GAB2: variants seen among roughly 807,000 people sequenced by gnomAD.
The protein encoded by GAB2 is GRB2-associated-binding protein 2.
In GAB2, 26 loss-of-function variants were observed where a neutral mutation model predicts 65.5. The observed-to-expected ratio is 0.40, with a 90% CI of 0.29 to 0.55. The LOEUF (loss-of-function observed/expected upper bound fraction) is 0.55. GAB2 is among the 20% of genes least tolerant of loss of function. The pLI is 0.53. For missense variants in GAB2, 884 were observed against 875.8 expected (o/e 1.01, Z -0.12); for synonymous variants, 321 against 329.6 (o/e 0.97, Z 0.28).
chr11:78,267,960 T>C (rs1401801611), intron 2 of GAB2, among the ~76,000 whole-genome samples: 2 of 152,260 alleles, frequency 1.3e-5, no homozygotes, highest in East Asian at 1.9e-4. Flanking sequence ...CCTCATGTTT[T>C]CATATTTTTA....
chr11:78,287,182 CT>C (rs1275087372), intron 1 of GAB2, among the ~76,000 whole-genome samples: 2 of 152,192 alleles, frequency 1.3e-5, no homozygotes, highest in Non-Finnish European at 2.9e-5. Context: ...AACACTCATT[CT>C]TGATAAAAAC....
chr11:78,281,592 G>A (rs559121407), intron 1 of GAB2, among the ~76,000 whole-genome samples: 3 of 152,272 alleles, frequency 2.0e-5, no homozygotes, highest in African/African-American at 4.8e-5. Context: ...GGTTAAAGAC[G>A]GGGACTGTGG....
chr11:78,416,691 C>T (rs1455608943), intron 1 of GAB2, among the ~76,000 whole-genome samples: 3 of 151,994 alleles, frequency 2.0e-5, no homozygotes, highest in Non-Finnish European at 4.4e-5. Context: ...CCCGCGACTA[C>T]CCCAAGACCA....
At chr11:78,320,724 C>A (rs1430004052) in intron 1 of GAB2, among the ~76,000 whole-genome samples, 1 of 91,550 alleles carries the variant, frequency 1.1e-5, no homozygotes, top group Non-Finnish European at 2.0e-5. Context: ...ATAATTTTTG[C>A]CTTTTTTTTT....
intron 1 of GAB2, among the ~76,000 whole-genome samples, chr11:78,389,703 A>G (rs1357178250): frequency 2.6e-5 from 4 of 152,174 alleles, no homozygotes; most frequent in African/African-American, 4.8e-5. Flanking sequence ...ACACTTTTAA[A>G]TGGTGACTTT....
intron 4 of GAB2, 34 bp downstream of exon 4, chr11:78,226,431 C>T (rs1864652392): frequency 3.3e-6 from 5 of 1,520,268 alleles, no homozygotes; most frequent in Non-Finnish European, 4.6e-6. Context: ...TTACCTCCTC[C>T]TCCCTCTGAG....
chr11:78,361,198 A>G (rs1055990653), intron 1 of GAB2, among the ~76,000 whole-genome samples: 2 of 152,228 alleles, frequency 1.3e-5, no homozygotes, highest in Non-Finnish European at 2.9e-5. Context: ...ACCTCTAAGC[A>G]TAGATCAGGA....
At position 78,218,410 on chromosome 11, in the gene GAB2, C is replaced by T. The variant is rs1466493069; in HGVS notation, c.*862G>A. ...CTTTCAAGGTGGGGCTGGCGGGGGC[C>T]TCTGAGGGGACTGGGGAAGAGGACT... On this transcript the variant is annotated 3_prime_UTR_variant, in exon 10 of 10. Coordinates refer to ENST00000361507, the MANE Select transcript of GAB2 (RefSeq NM_080491.3). The T allele has an allele frequency of 2.0e-5, 3 of 152,676 alleles. No homozygotes were observed. The highest frequency in any genetic ancestry group is 2.9e-5 in the Non-Finnish European group (2 of 68,426). The allele number at this position is 152,676 out of a possible 1,614,324, so 9.5% of individuals were successfully genotyped here.
intron 1 of GAB2, among the ~76,000 whole-genome samples, chr11:78,301,869 G>C (rs1867029258): frequency 6.6e-6 from 1 of 152,030 alleles, no homozygotes; most frequent in South Asian, 2.1e-4. Flanking sequence ...ACACAATAGA[G>C]AACCCAAAAA....
At chr11:78,298,684 G>A (rs1866907987) in intron 1 of GAB2, among the ~76,000 whole-genome samples, 1 of 152,166 alleles carries the variant, frequency 6.6e-6, no homozygotes, top group African/African-American at 2.4e-5. Context: ...TCCCCTGAGG[G>A]ACCTTGCTTT....
intron 3 of GAB2, among the ~76,000 whole-genome samples, chr11:78,231,590 T>C (rs528281402): frequency 1.3e-5 from 2 of 152,166 alleles, no homozygotes; most frequent in Non-Finnish European, 2.9e-5. Flanking sequence ...CCTCGTGGTC[T>C]GCCCGCCTCA....
At chr11:78,315,804 C>T (rs1855591323) in intron 1 of GAB2, among the ~76,000 whole-genome samples, 1 of 152,120 alleles carries the variant, frequency 6.6e-6, no homozygotes, top group South Asian at 2.1e-4. Flanking sequence ...TAGGTGTCAA[C>T]TTGATTGGAT....
At position 78,410,521 on chromosome 11, in the gene GAB2, T is replaced by A. The variant is rs552801058; in HGVS notation, c.75+7125A>T. On this transcript the variant is annotated intron_variant, in intron 1 of 9. Coordinates refer to ENST00000361507, the MANE Select transcript of GAB2 (RefSeq NM_080491.3). ...GCTGTCTCAAAAAACAAACAAAAAA[T>A]AATAATGAAGCAATGTCAGTATGCA... 3.3e-5 allele frequency among the ~76,000 whole-genome samples: 5 copies of A among 151,902 alleles called. No individual in the cohort carries two copies. The East Asian group carries it at 9.7e-4, about 29-fold the overall frequency.
intron 8 of GAB2, among the ~76,000 whole-genome samples, chr11:78,221,155 T>C (rs1864404738): frequency 6.6e-6 from 1 of 152,236 alleles, no homozygotes; most frequent in African/African-American, 2.4e-5. Context: ...AGTCCTGTGT[T>C]CTGTTTGTTG....
chr11:78,322,319 A>AAAAAAAAAAAAAAAAAAAAAAAAAAAAAC (rs1855741523), intron 1 of GAB2, among the ~76,000 whole-genome samples: 1 of 148,524 alleles, frequency 6.7e-6, no homozygotes, highest in Non-Finnish European at 1.5e-5. Context: ...AAAAAAAAAA[A>AAAAAAAAAAAAAAAAAAAAAAAAAAAAAC]AAAAAAAAAG....
chr11:78,349,351 G>T (rs115093704), intron 1 of GAB2, among the ~76,000 whole-genome samples: 1,866 of 152,222 alleles, frequency 0.012, 32 homozygotes, highest in African/African-American at 0.042. Flanking sequence ...TTATTAATGA[G>T]GTGTCTGGTA....
intron 1 of GAB2, among the ~76,000 whole-genome samples, chr11:78,310,513 CAAA>C (rs11285625): frequency 1.3e-4 from 10 of 74,734 alleles, no homozygotes; most frequent in Non-Finnish European, 1.4e-4. Context: ...GACTCTGTCT[CAAA>C]AAAAAAAAAA....
intron 1 of GAB2, among the ~76,000 whole-genome samples, chr11:78,350,451 C>T (rs1350250486): frequency 6.6e-6 from 1 of 152,172 alleles, no homozygotes; most frequent in Non-Finnish European, 1.5e-5. Context: ...CTCCCTAAAC[C>T]CTCAGTTTCT....
intron 1 of GAB2, among the ~76,000 whole-genome samples, chr11:78,319,369 C>A (rs902299048): frequency 2.0e-4 from 31 of 152,112 alleles, no homozygotes; most frequent in Admixed American, 5.9e-4. Flanking sequence ...TCCCTTTGTG[C>A]CCAATAATTC....
Sources: allele counts gnomAD v4.1 joint callset (sites outside exome capture counted in the v4.1 genomes callset), GRCh38; gene constraint gnomAD v4.1.1; transcripts MANE v1.5; gene names NCBI Gene and HGNC (gene_info 2026-07-23, HGNC 2026-07-21).